The following LUZP2 variants were observed in gnomAD, a reference collection of about 807,000 sequenced individuals.
The protein encoded by LUZP2 is leucine zipper protein 2.
LUZP2 carries 52 observed loss-of-function variants against 51.6 expected under a neutral mutation model. The observed-to-expected ratio is 1.01, with a 90% CI of 0.81 to 1.27. The LOEUF is 1.27. Ranked by LOEUF, LUZP2 falls within the 50% of genes most tolerant of loss-of-function variation. The probability of loss-of-function intolerance (pLI) is 0.00; values close to 1 mark genes in which losing one functional copy is unlikely to be tolerated. For synonymous variants in LUZP2, 154 were observed against 137.3 expected (o/e 1.12, Z -0.85); for missense variants, 436 against 395.4 (o/e 1.10, Z -0.87).
intron 5 of LUZP2, among the ~76,000 whole-genome samples, chr11:24,903,104 C>T (rs1220083797): frequency 6.6e-6 from 1 of 152,108 alleles, no homozygotes; most frequent in African/African-American, 2.4e-5. Flanking sequence ...CCTATTTTGT[C>T]TCCATTTTGA....
intron 1 of LUZP2, among the ~76,000 whole-genome samples, chr11:24,523,148 T>G (rs1032488960): frequency 2.0e-5 from 3 of 152,082 alleles, no homozygotes; most frequent in African/African-American, 7.2e-5. Context: ...TCTTCTGGAA[T>G]GTGCTTTTAT....
intron 1 of LUZP2, among the ~76,000 whole-genome samples, chr11:24,592,208 C>T (rs1353757976): frequency 1.3e-5 from 2 of 152,166 alleles, no homozygotes; most frequent in Non-Finnish European, 2.9e-5. Context: ...GATTTATCTG[C>T]CTGACAACAG....
rs563120496 is a variant in LUZP2, at chr11:24,651,146, G to A, written c.63-78023G>A. Among the ~76,000 whole-genome samples the A allele has an allele frequency of 7.2e-5, 11 of 151,936 alleles. No individual in the cohort carries two copies. In the South Asian group the frequency reaches 2.3e-3, roughly 32 times the overall value. On this transcript the variant is annotated intron_variant, in intron 1 of 11. Transcript: ENST00000336930. ...AGGTGGATTTTGCTTCATTTATTTT[G>A]TAAACTGTACTTCAGTAACATTACT...
intron 1 of LUZP2, among the ~76,000 whole-genome samples, chr11:24,718,321 G>A (rs1232069534): frequency 6.6e-6 from 1 of 152,112 alleles, no homozygotes; most frequent in Admixed American, 6.5e-5. Context: ...CCTGAGAGAA[G>A]GTGAGAAGCT....
chr11:24,872,429 C>T (rs1490281003), intron 5 of LUZP2, among the ~76,000 whole-genome samples: 2 of 152,112 alleles, frequency 1.3e-5, no homozygotes, highest in East Asian at 1.9e-4. Context: ...TTGTTCCCTG[C>T]CCTGGCTGTA....
chr11:24,600,174 A>AACACACAC (rs61439379), intron 1 of LUZP2, among the ~76,000 whole-genome samples: 3 of 144,162 alleles, frequency 2.1e-5, no homozygotes, highest in African/African-American at 7.7e-5. Context: ...TGTAGATTAC[A>AACACACAC]ACACACACAC....
At chr11:24,781,031 C>T (rs1849074672) in intron 5 of LUZP2, among the ~76,000 whole-genome samples, 1 of 152,078 alleles carries the variant, frequency 6.6e-6, no homozygotes, top group Non-Finnish European at 1.5e-5. Flanking sequence ...GACTGTCTAA[C>T]ACAAGAGCTA....
chr11:24,925,716 A>T (rs967940271), intron 7 of LUZP2, among the ~76,000 whole-genome samples: 4 of 151,998 alleles, frequency 2.6e-5, no homozygotes, highest in Non-Finnish European at 4.4e-5. Flanking sequence ...ATTTATTTTT[A>T]AAATTATTTT....
At chr11:24,918,385 G>C (rs568557474) in intron 7 of LUZP2, among the ~76,000 whole-genome samples, 2 of 151,942 alleles carry the variant, frequency 1.3e-5, no homozygotes, top group African/African-American at 4.8e-5. Flanking sequence ...GAATAGGAGT[G>C]GTGAGAGAGG....
At chr11:24,785,175 T>C (rs1849207573) in intron 5 of LUZP2, among the ~76,000 whole-genome samples, 1 of 152,076 alleles carries the variant, frequency 6.6e-6, no homozygotes, top group Admixed American at 6.6e-5. Context: ...TTATCATCTG[T>C]TCCCATCACA....
intron 7 of LUZP2, among the ~76,000 whole-genome samples, chr11:24,969,071 G>C (rs1855672594): frequency 6.6e-6 from 1 of 152,076 alleles, no homozygotes; most frequent in Non-Finnish European, 1.5e-5. Flanking sequence ...CCCTTGTCCT[G>C]GTGGTTTGTT....
chr11:24,922,554 C>T (rs1169896776), intron 7 of LUZP2, among the ~76,000 whole-genome samples: 1 of 152,168 alleles, frequency 6.6e-6, no homozygotes, highest in Admixed American at 6.6e-5. Context: ...CCATTTACTT[C>T]TAACAAGTGT....
chr11:24,567,327 A>G (rs1852279860), intron 1 of LUZP2, among the ~76,000 whole-genome samples: 1 of 152,084 alleles, frequency 6.6e-6, no homozygotes, highest in Non-Finnish European at 1.5e-5. Context: ...AGAAAAATAA[A>G]CAGAGGCTTA....
At chr11:24,691,500 C>G (rs1402183989) in intron 1 of LUZP2, among the ~76,000 whole-genome samples, 1 of 149,802 alleles carries the variant, frequency 6.7e-6, no homozygotes, top group Non-Finnish European at 1.5e-5. Context: ...CAAAGTAACC[C>G]CTGTATTTCA....
chr11:24,660,963 G>T (rs979548058), intron 1 of LUZP2, among the ~76,000 whole-genome samples: 6 of 151,968 alleles, frequency 3.9e-5, no homozygotes, highest in African/African-American at 1.5e-4. Flanking sequence ...CTATATTCTT[G>T]TTTCTTGGAG....
chr11:24,800,630 T>A (rs928693902), intron 5 of LUZP2, among the ~76,000 whole-genome samples: 2 of 152,068 alleles, frequency 1.3e-5, no homozygotes, highest in East Asian at 3.9e-4. Flanking sequence ...TCCTCACTTA[T>A]CTTCCTCATG....
intron 9 of LUZP2, among the ~76,000 whole-genome samples, chr11:25,030,117 A>G (rs1041712303): frequency 6.6e-6 from 1 of 152,060 alleles, no homozygotes; most frequent in South Asian, 2.1e-4. Flanking sequence ...GTGTTTGCAT[A>G]TTTGTGTGCA....
chr11:25,057,150 C>A (rs1308244902), intron 10 of LUZP2, among the ~76,000 whole-genome samples: 1 of 152,112 alleles, frequency 6.6e-6, no homozygotes, highest in Non-Finnish European at 1.5e-5. Flanking sequence ...TCACATTCAA[C>A]CATATCATAG....
At chr11:24,517,513 A>AAAT (rs1850510206) in intron 1 of LUZP2, among the ~76,000 whole-genome samples, 2 of 145,430 alleles carry the variant, frequency 1.4e-5, no homozygotes, top group African/African-American at 2.5e-5. Context: ...AAAAAAAAAA[A>AAAT]TTGTAGGTAC....
Sources: allele counts gnomAD v4.1 joint callset (sites outside exome capture counted in the v4.1 genomes callset), GRCh38; gene constraint gnomAD v4.1.1; transcripts MANE v1.5; gene names NCBI Gene and HGNC (gene_info 2026-07-23, HGNC 2026-07-21).